MSMO1: variants seen among roughly 807,000 people sequenced by gnomAD.
MSMO1 encodes the protein C-4 methylsterol oxidase.
A neutral mutation model predicts 30.4 loss-of-function variants in MSMO1; 18 were observed. The ratio of observed to expected loss-of-function variants is 0.59; its 90% CI spans 0.41 to 0.88. MSMO1 has a LOEUF of 0.88. MSMO1 is among the 40% of genes least tolerant of loss of function. The pLI, the probability that MSMO1 is intolerant of heterozygous loss-of-function variation, is 0.00. For synonymous variants in MSMO1, 84 were observed against 107.9 expected (o/e 0.78, Z 1.37); for missense variants, 284 against 340.5 (o/e 0.83, Z 1.31).
intron 1 of MSMO1, among the ~76,000 whole-genome samples, chr4:165,329,545 C>A: frequency 8.2e-6 from 1 of 122,018 alleles, no homozygotes. Context: ...AGAGAAGTAT[C>A]AAATCTTCCA....
Position 165,339,011 on chromosome 4 carries a change from C to G in MSMO1, c.531+233C>G, listed in dbSNP as rs183717274. ...AAATATTATATGAAAGTTCGGACTTCCATCCTTGTGGACAGTGCTACACTG... is the reference window on the plus strand; with the variant it reads ...AAATATTATATGAAAGTTCGGACTTGCATCCTTGTGGACAGTGCTACACTG... On this transcript the variant is annotated intron_variant, in intron 4 of 5. Coordinates refer to ENST00000261507, the MANE Select transcript of MSMO1 (RefSeq NM_006745.5). Among the ~76,000 whole-genome samples, 23 of 150,398 alleles carry G rather than the reference C, an allele frequency of 1.5e-4. No individual in the cohort carries two copies. The East Asian group carries it at 4.5e-3, about 30-fold the overall frequency.
Position 165,342,094 on chromosome 4 carries a change from G to A in MSMO1, c.*148G>A. ...TTAACAACCTTTAATTACCTTCCTA[G>A]TGGGAACTTTTTCTACTTTACCTAC... On this transcript the variant is annotated 3_prime_UTR_variant, in exon 6 of 6. Transcript: ENST00000261507. 1 of 666,070 alleles carries A rather than the reference G, an allele frequency of 1.5e-6. No homozygotes were observed. Among genetic ancestry groups the A allele is most frequent in the South Asian group, 1.9e-5 (1 of 53,254 alleles). 41.3% of individuals were successfully genotyped at this position (666,070 alleles called of 1,614,324 possible).
Position 165,340,840 on chromosome 4 carries a change from T to C in MSMO1, c.686+465T>C, listed in dbSNP as rs75067225. ...TAAATTATTTATATTGAATGCCTTC[T>C]TAAATGCTTATCCTAATTGTTCATT... On this transcript the variant is annotated intron_variant, in intron 5 of 5. Transcript: ENST00000261507. 2.1e-3 allele frequency among the ~76,000 whole-genome samples: 318 copies of C among 152,318 alleles called. 8 individuals carry two copies. In the East Asian group the frequency reaches 0.052, roughly 25 times the overall value.
intron 5 of MSMO1, chr4:165,340,696 A>G (rs1747691584): frequency 3.1e-6 from 1 of 322,208 alleles, no homozygotes; most frequent in South Asian, 3.4e-5. Flanking sequence ...TTCCTTGAAT[A>G]AGACTTTCTA....
chr4:165,331,485 T>C (rs992982165), intron 1 of MSMO1, among the ~76,000 whole-genome samples: 1 of 149,242 alleles, frequency 6.7e-6, no homozygotes, highest in Non-Finnish European at 1.5e-5. Context: ...GCAAAGAAAT[T>C]TTAAGGCCTG....
chr4:165,336,963 C>T (rs1747567869), intron 2 of MSMO1, among the ~76,000 whole-genome samples: 1 of 152,168 alleles, frequency 6.6e-6, no homozygotes, highest in Admixed American at 6.5e-5. Context: ...TGCTGATGCG[C>T]AGTAGTTCCC....
intron 4 of MSMO1, among the ~76,000 whole-genome samples, chr4:165,339,345 C>G (rs1747652007): frequency 1.3e-5 from 2 of 151,966 alleles, no homozygotes; most frequent in Non-Finnish European, 2.9e-5. Flanking sequence ...CTCAGGTGAT[C>G]CACCCGCCTT....
chr4:165,334,533 T>G (rs750318721), intron 2 of MSMO1, among the ~76,000 whole-genome samples: 4 of 152,210 alleles, frequency 2.6e-5, no homozygotes, highest in Non-Finnish European at 5.9e-5. Flanking sequence ...TGGTAGGTAG[T>G]TCTGCAGCAT....
chr4:165,328,899 G>C (rs889928286), intron 1 of MSMO1, among the ~76,000 whole-genome samples: 4 of 152,134 alleles, frequency 2.6e-5, no homozygotes, highest in African/African-American at 4.8e-5. Flanking sequence ...TGAGAATTAG[G>C]CATTAAAGGA....
chr4:165,338,647 T>C lies in MSMO1; in HGVS notation c.405-5T>C, dbSNP rs369080275. On this transcript the variant is annotated splice_polypyrimidine_tract_variant and splice_region_variant and intron_variant, in intron 3 of 5. Transcript: ENST00000261507. The stretch of plus-strand genomic sequence containing the variant: ...CTTACACATTACAACATTTTTATCT[T>C]AAAGGTATTTTCTTTTGGCAAGATG... The C allele has an allele frequency of 7.5e-6, 12 of 1,607,108 alleles. No homozygotes were observed. In the African/African-American group the frequency reaches 1.3e-4, roughly 18 times the overall value.
At chr4:165,328,925 C>T (rs2126613155) in intron 1 of MSMO1, among the ~76,000 whole-genome samples, 1 of 152,208 alleles carries the variant, frequency 6.6e-6, no homozygotes, top group Non-Finnish European at 1.5e-5. Flanking sequence ...AGTATTTGGG[C>T]GGGGGTTGTG....
At chr4:165,333,851 CT>C (rs1747467481) in intron 2 of MSMO1, among the ~76,000 whole-genome samples, 1 of 152,172 alleles carries the variant, frequency 6.6e-6, no homozygotes, top group African/African-American at 2.4e-5. Context: ...TAAACTATCG[CT>C]GGGTGCAGGG....
rs531810388 is a variant in MSMO1 at position 165,335,821 on chromosome 4, C to T, written c.256-1968C>T. The stretch of plus-strand genomic sequence containing the variant: ...GACTTCAAGTCTGTACTCAGCAAGT[C>T]TTTATGTTTCATAACCATTAAAGTC... On this transcript the variant is annotated intron_variant, in intron 2 of 5. Transcript: ENST00000261507. Among the ~76,000 whole-genome samples the T allele has an allele frequency of 1.8e-4, 27 of 152,304 alleles. No individual in the cohort carries two copies. In the South Asian group the frequency reaches 5.6e-3, roughly 32 times the overall value.
chr4:165,329,152 T>C (rs894192394), intron 1 of MSMO1, among the ~76,000 whole-genome samples: 2 of 152,172 alleles, frequency 1.3e-5, no homozygotes, highest in African/African-American at 2.4e-5. Flanking sequence ...AGGAAGGCAT[T>C]ATTGGGAAAC....
intron 2 of MSMO1, among the ~76,000 whole-genome samples, chr4:165,336,388 A>G (rs1183700100): frequency 6.6e-6 from 1 of 152,164 alleles, no homozygotes; most frequent in Non-Finnish European, 1.5e-5. Flanking sequence ...AATATGGTAA[A>G]CTTTCATATT....
At chr4:165,338,800 T>G (rs1747634485) in intron 4 of MSMO1, 22 bp downstream of exon 4, 3 of 1,559,622 alleles carry the variant, frequency 1.9e-6, no homozygotes, top group Admixed American at 1.7e-5. Context: ...TTATATTTAA[T>G]TCTTTCTGTT....
At chr4:165,332,947 C>G (rs1747440035) in intron 1 of MSMO1, among the ~76,000 whole-genome samples, 1 of 152,076 alleles carries the variant, frequency 6.6e-6, no homozygotes, top group African/African-American at 2.4e-5. Context: ...TCATATTTGG[C>G]AGGCTTTTTC....
intron 1 of MSMO1, among the ~76,000 whole-genome samples, chr4:165,330,727 C>G (rs961027020): frequency 2.0e-5 from 3 of 151,772 alleles, no homozygotes; most frequent in Non-Finnish European, 4.4e-5. Flanking sequence ...TTTTTTGAGA[C>G]GGAGTTTTGC....
Position 165,338,648 on chromosome 4 carries a change from A to G in MSMO1, c.405-4A>G, listed in dbSNP as rs755534708. ...TTACACATTACAACATTTTTATCTT[A>G]AAGGTATTTTCTTTTGGCAAGATGC... On this transcript the variant is annotated splice_polypyrimidine_tract_variant and splice_region_variant and intron_variant, in intron 3 of 5. Transcript: ENST00000261507. 1.2e-6 allele frequency: 2 copies of G among 1,607,192 alleles called. No individual in the cohort carries two copies. The highest frequency in any genetic ancestry group is 1.7e-5 in the Admixed American group (1 of 59,994).
Sources: gnomAD v4.1 joint callset for allele counts (sites outside exome capture counted in the v4.1 genomes callset) on GRCh38, gnomAD v4.1.1 for gene constraint, MANE v1.5 for transcripts, NCBI Gene and HGNC (gene_info 2026-07-23, HGNC 2026-07-21) for gene names.